TNXB: variants seen among roughly 807,000 people sequenced by gnomAD.
The protein encoded by TNXB is tenascin XB.
TNXB carries 183 observed loss-of-function variants against 340.5 expected under a neutral mutation model. The observed-to-expected ratio is 0.54, with a 90% CI of 0.48 to 0.61. The LOEUF (loss-of-function observed/expected upper bound fraction) is 0.61. Ranked by LOEUF, TNXB falls within the 20% of genes least tolerant of loss-of-function variation. The pLI is 0.00. For synonymous variants in TNXB, 2,121 were observed against 2,314.5 expected (o/e 0.92, Z 2.40); for missense variants, 4,613 against 5,446.4 (o/e 0.85, Z 4.82).
rs748840851 is a variant in TNXB, at chr6:32,095,965, G to A, written c.1888C>T (p.Arg630Cys). 3.7e-6 allele frequency: 6 copies of A among 1,613,160 alleles called. No individual in the cohort carries two copies. The highest frequency in any genetic ancestry group is 1.1e-5 in the South Asian group (1 of 91,082). Residue 630 changes from arginine (R) to cysteine (C), a missense_variant, in exon 3 of 44, where the codon CGC (arginine) becomes TGC (cysteine). Physicochemically the swap from Arg to Cys is radical, Grantham distance 180. Transcript: ENST00000644971. The stretch of plus-strand genomic sequence containing the variant: ...CACAGGCAGCGCCCTTCCTCACAGC[G>A]GCCCCTCCCGTGGCAGTTGGAGGGG... ...TCPSNCHGRG[R>C]CEEGRCLCDP... is the part of the protein sequence containing the mutation.
rs1051361067 is a variant in TNXB at position 32,081,056 on chromosome 6, C to T, written c.4042+312G>A. 2.0e-5 allele frequency among the ~76,000 whole-genome samples: 3 copies of T among 151,982 alleles called. No homozygotes were observed. Among genetic ancestry groups the T allele is most frequent in the African/African-American group, 4.8e-5 (2 of 41,336 alleles). On this transcript the variant is annotated intron_variant, in intron 10 of 43. Transcript: ENST00000644971. This position sits in a 1 kb window ranked among gnomAD's most constrained non-coding sequence, Gnocchi z 5.1. ...AACTGAGGGGTGAGAACACAGTGAC[C>T]GAATGGTGAGGACATCTGTGGGGAG...
intron 13 of TNXB, among the ~76,000 whole-genome samples, chr6:32,071,188 G>C (rs530294595): frequency 7.7e-4 from 118 of 152,320 alleles, no homozygotes; most frequent in African/African-American, 2.8e-3. Flanking sequence ...CCTCGGAAAG[G>C]GGCACAGCTG....
intron 4 of TNXB, chr6:32,093,333 A>G (rs1780164883): frequency 1.4e-6 from 1 of 690,706 alleles, no homozygotes; most frequent in Non-Finnish European, 2.7e-6. Flanking sequence ...TTATAACAAC[A>G]ACAAAAAAAG....
intron 24 of TNXB, among the ~76,000 whole-genome samples, chr6:32,053,991 C>T (rs933570373): frequency 1.3e-5 from 2 of 151,822 alleles, no homozygotes; most frequent in African/African-American, 4.8e-5. Flanking sequence ...TCGGCCTCTG[C>T]ACCCTTAGCC....
At chr6:32,095,496 G>A in intron 3 of TNXB, 115 bp downstream of exon 3, 1 of 1,370,862 alleles carries the variant, frequency 7.3e-7, no homozygotes, top group Non-Finnish European at 1.0e-6. Flanking sequence ...GGTGGGCACT[G>A]GCTCCTTGGA....
rs1433789839 is a variant in TNXB, at chr6:32,052,505, A to G, written c.9115+165T>C. 6.6e-6 allele frequency among the ~76,000 whole-genome samples: 1 copy of G among 152,132 alleles called. No individual in the cohort carries two copies. Among genetic ancestry groups the G allele is most frequent in the African/African-American group, 2.4e-5 (1 of 41,430 alleles). On this transcript the variant is annotated intron_variant, in intron 26 of 43. Coordinates refer to ENST00000644971, the MANE Select transcript of TNXB (RefSeq NM_001365276.2). The surrounding 1 kb of genome is among the most constrained non-coding windows in gnomAD (Gnocchi z 4.7). ...AAAGAAATGCATGGTCTCTTGCCCTAGGCCAAGCCTGCTGAATCCAAATCT... is the reference window on the plus strand; with the variant it reads ...AAAGAAATGCATGGTCTCTTGCCCTGGGCCAAGCCTGCTGAATCCAAATCT...
chr6:32,098,794 T>G (rs1780564349), intron 1 of TNXB, among the ~76,000 whole-genome samples: 1 of 152,134 alleles, frequency 6.6e-6, no homozygotes, highest in African/African-American at 2.4e-5. Flanking sequence ...ACTGGTCTTT[T>G]GTTTTTCCCA....
rs1362423147 is a variant in TNXB at position 32,108,801 on chromosome 6, T to C, written c.-9+380A>G. Reference sequence around the variant, plus strand: ...GGTTCAGCTGGCCACCAGTTCAGCCTAGTCCTATCTTCCCGCTAGCCCCAG... The same window carrying C: ...GGTTCAGCTGGCCACCAGTTCAGCCCAGTCCTATCTTCCCGCTAGCCCCAG... On this transcript the variant is annotated intron_variant, in intron 1 of 43. Transcript: ENST00000644971. This position sits in a 1 kb window ranked among gnomAD's most constrained non-coding sequence, Gnocchi z 4.8. Among the ~76,000 whole-genome samples the C allele has an allele frequency of 6.6e-6, 1 of 152,086 alleles. No homozygotes were observed. Among genetic ancestry groups the C allele is most frequent in the Non-Finnish European group, 1.5e-5 (1 of 68,004 alleles).
intron 1 of TNXB, among the ~76,000 whole-genome samples, chr6:32,105,310 T>C (rs1480269114): frequency 2.6e-5 from 4 of 152,232 alleles, no homozygotes; most frequent in African/African-American, 7.2e-5. Flanking sequence ...CCTCCTATCA[T>C]GTGATATCAC....
At position 32,095,898 on chromosome 6, in the gene TNXB, C is replaced by T; in HGVS notation, c.1955G>A (p.Cys652Tyr). Residue 652 changes from cysteine (C) to tyrosine (Y), a missense_variant, in exon 3 of 44, where the codon TGC becomes TAC. By Grantham distance (194) the Cys-to-Tyr change is radical. Coordinates refer to ENST00000644971, the MANE Select transcript of TNXB (RefSeq NM_001365276.2). ...CCCACGTCCCCGGCAGTCAGCCGGG[C>T]ACATGCGGGTGGCACAGGTAGGGCC... ...YTGPTCATRM[C>Y]PADCRGRGRC... 6.2e-7 allele frequency: 1 copy of T among 1,612,792 alleles called. No individual in the cohort carries two copies. Among genetic ancestry groups the T allele is most frequent in the East Asian group, 2.2e-5 (1 of 44,858 alleles).
In TNXB at chr6:32,061,710, T is replaced by C. The variant is rs1778029624; in HGVS notation, c.7179A>G (p.Glu2393=). ...VSAIGVTAAE[E]ETPSPTEPSM... The stretch of plus-strand genomic sequence containing the variant: ...TGGGTTCTGTGGGGCTGGGGGTCTC[T>C]TCCTCTGCAGCTGAGAAAAAGGGAC... Residue 2393 remains glutamate, a synonymous_variant, in exon 21 of 44, where the codon GAA becomes GAG. Transcript: ENST00000644971. The surrounding 1 kb of genome is among the most constrained non-coding windows in gnomAD (Gnocchi z 4.4). 1.2e-6 allele frequency: 2 copies of C among 1,610,528 alleles called. No individual in the cohort carries two copies. The highest frequency in any genetic ancestry group is 1.3e-5 in the African/African-American group (1 of 74,806).
chr6:32,105,062 T>C (rs1330002897), intron 1 of TNXB, among the ~76,000 whole-genome samples: 1 of 152,086 alleles, frequency 6.6e-6, no homozygotes, highest in Non-Finnish European at 1.5e-5. Flanking sequence ...CAAACAGCCC[T>C]ACCATCATGT....
Position 32,068,498 on chromosome 6 carries a change from C to T in TNXB, c.6112G>A (p.Glu2038Lys). 3.7e-6 allele frequency: 6 copies of T among 1,613,904 alleles called. No homozygotes were observed. The highest frequency in any genetic ancestry group is 5.1e-6 in the Non-Finnish European group (6 of 1,179,904). Residue 2038 changes from glutamate (E) to lysine (K), a missense_variant, in exon 17 of 44, where the codon GAA becomes AAA. Transcript: ENST00000644971. The surrounding 1 kb of genome is among the most constrained non-coding windows in gnomAD (Gnocchi z 5.3). ...TCCAGGCCCGAGATGGTGACCCCTT[C>T]CTCGTGCCCTGGCACCCTCACTGCC... ...PKAVRVPGHE[E>K]GVTISGLEPD...
chr6:32,078,266 G>A (rs1160588374), intron 11 of TNXB, among the ~76,000 whole-genome samples: 3 of 151,682 alleles, frequency 2.0e-5, no homozygotes, highest in Non-Finnish European at 4.4e-5. Flanking sequence ...TGGCCAACAC[G>A]GTGAACCCCG....
Position 32,082,777 on chromosome 6 carries a change from C to T in TNXB, c.3446-451G>A, listed in dbSNP as rs888282373. On this transcript the variant is annotated intron_variant, in intron 8 of 43. Coordinates refer to ENST00000644971, the MANE Select transcript of TNXB (RefSeq NM_001365276.2). This position sits in a 1 kb window ranked among gnomAD's most constrained non-coding sequence, Gnocchi z 5.0. ...CTTGAAGCGTTTTAACGTGGGACAGCCTCCCTCATCTATGCTGCAGGCCTC... is the reference window on the plus strand; with the variant it reads ...CTTGAAGCGTTTTAACGTGGGACAGTCTCCCTCATCTATGCTGCAGGCCTC... 5.3e-5 allele frequency among the ~76,000 whole-genome samples: 8 copies of T among 152,222 alleles called. No individual in the cohort carries two copies. The highest frequency in any genetic ancestry group is 8.8e-5 in the Non-Finnish European group (6 of 68,010).
Position 32,049,183 on chromosome 6 carries a change from A to T in TNXB, c.9757+87T>A. On this transcript the variant is annotated intron_variant, in intron 28 of 43. Transcript: ENST00000644971. This position sits in a 1 kb window ranked among gnomAD's most constrained non-coding sequence, Gnocchi z 4.5. Reference sequence around the variant, plus strand: ...AGAAAAGACAGAAACCTAGAGGCCCAGTCAAAAGAGGTGCCAAGATCCAAA... The same window carrying T: ...AGAAAAGACAGAAACCTAGAGGCCCTGTCAAAAGAGGTGCCAAGATCCAAA... 1 of 1,465,202 alleles carries T rather than the reference A, an allele frequency of 6.8e-7. No individual in the cohort carries two copies. Among genetic ancestry groups the T allele is most frequent in the Non-Finnish European group, 9.1e-7 (1 of 1,103,684 alleles). 90.8% of individuals were successfully genotyped at this position (1,465,202 alleles called of 1,614,324 possible).
chr6:32,070,813 G>A lies in TNXB; in HGVS notation c.4991-399C>T, dbSNP rs569887123. On this transcript the variant is annotated intron_variant, in intron 13 of 43. Transcript: ENST00000644971. The surrounding 1 kb of genome is among the most constrained non-coding windows in gnomAD (Gnocchi z 6.0). ...CCCTGAGGAAAGGGGTGATTTGGCC[G>A]GCCCCGAGGAGCGCAGGATCCCTGA... is the stretch of plus-strand genomic sequence containing the variant. 1.3e-4 allele frequency among the ~76,000 whole-genome samples: 20 copies of A among 152,320 alleles called. No individual in the cohort carries two copies. In the South Asian group the frequency reaches 2.3e-3, roughly 17 times the overall value.
rs376713322 is a variant in TNXB, at chr6:32,064,776, T to A, written c.6841+45A>T. Reference sequence around the variant, plus strand: ...CAGATACTGACAATAAAAGGGAAACTGAGTCTAGTTCAGGGCAGGGCCCAG... The same window carrying A: ...CAGATACTGACAATAAAAGGGAAACAGAGTCTAGTTCAGGGCAGGGCCCAG... On this transcript the variant is annotated intron_variant, in intron 19 of 43. Transcript: ENST00000644971. The surrounding 1 kb of genome is among the most constrained non-coding windows in gnomAD (Gnocchi z 5.3). 17 of 1,584,272 alleles carry A rather than the reference T, an allele frequency of 1.1e-5. No homozygotes were observed. In the African/African-American group the frequency reaches 2.2e-4, roughly 20 times the overall value.
chr6:32,079,161 A>G lies in TNXB; in HGVS notation c.4247T>C (p.Val1416Ala). The stretch of plus-strand genomic sequence containing the variant: ...CTCACTCTCCTTGCCCCCAACACGC[A>G]CCGCCCGGGGCCGCCCATCCCTGTC... ...YKDRDGRPRA[V>A]RVGGKESEVT... Residue 1416 changes from valine to alanine, a missense_variant, in exon 11 of 44, where the codon GTG becomes GCG. Val to Ala is a moderately conservative substitution (Grantham distance 64, BLOSUM62 0). Around this residue, in one of 7 missense-constraint regions of TNXB, gnomAD observed 4,327 missense variants for 4,859.4 expected, o/e 0.89. Coordinates refer to ENST00000644971, the MANE Select transcript of TNXB (RefSeq NM_001365276.2). The surrounding 1 kb of genome is among the most constrained non-coding windows in gnomAD (Gnocchi z 7.1). 6.2e-7 allele frequency: 1 copy of G among 1,613,680 alleles called. No individual in the cohort carries two copies.
Sources: gnomAD v4.1 joint callset for allele counts (sites outside exome capture counted in the v4.1 genomes callset) on GRCh38, gnomAD v4.1.1 for gene constraint, gnomAD v4.1.1 regional missense constraint, Gnocchi (gnomAD v3.1) non-coding constraint, MANE v1.5 for transcripts, NCBI Gene and HGNC (gene_info 2026-07-23, HGNC 2026-07-21) for gene names.